FAT3: variants seen among roughly 807,000 people sequenced by gnomAD.
The protein encoded by FAT3 is FAT atypical cadherin 3.
FAT3 carries 95 observed loss-of-function variants against 310.2 expected under a neutral mutation model. The observed-to-expected ratio is 0.31, with a 90% CI of 0.26 to 0.36. The LOEUF (loss-of-function observed/expected upper bound fraction) is 0.36, where lower values mean the gene tolerates loss of function less well. Among genes scored for constraint, FAT3 ranks in the 10% least tolerant of loss-of-function variants. FAT3 has a pLI of 1.00. For missense variants in FAT3, 5,408 were observed against 5,715.6 expected, an observed-to-expected ratio of 0.95 and a Z score of 1.74; for synonymous variants, 2,314 against 2,192.9, an observed-to-expected ratio of 1.06 and a Z score of -1.54.
intron 2 of FAT3, among the ~76,000 whole-genome samples, chr11:92,375,623 TA>T (rs1480087082): frequency 1.3e-5 from 2 of 152,244 alleles, no homozygotes; most frequent in African/African-American, 4.8e-5. Context: ...GCTGTCTTGA[TA>T]ATTTAGCAGG....
chr11:92,833,132 G>A (rs1399284220), intron 14 of FAT3, among the ~76,000 whole-genome samples: 2 of 152,330 alleles, frequency 1.3e-5, no homozygotes, highest in Non-Finnish European at 2.9e-5. Context: ...AAGCTTGGAT[G>A]TTCTTTGAAG....
chr11:92,233,796 C>T (rs2608768), intron 1 of FAT3, among the ~76,000 whole-genome samples: 26,316 of 152,080 alleles, frequency 0.17, 2,418 homozygotes, highest in East Asian at 0.38. Context: ...TTGAATTATA[C>T]GATAATTAGA....
intron 2 of FAT3, among the ~76,000 whole-genome samples, chr11:92,368,761 A>G (rs149280810): frequency 2.6e-4 from 39 of 151,872 alleles, no homozygotes; most frequent in East Asian, 1.4e-3. Context: ...TCTCAGTGCA[A>G]TGGATAGTGG....
At chr11:92,621,104 A>C (rs2135668030) in intron 3 of FAT3, among the ~76,000 whole-genome samples, 1 of 152,314 alleles carries the variant, frequency 6.6e-6, no homozygotes, top group East Asian at 1.9e-4. Context: ...GGACACAAAC[A>C]TGCAATCCAT....
At chr11:92,306,616 TA>T (rs1374808333) in intron 1 of FAT3, among the ~76,000 whole-genome samples, 2 of 126,432 alleles carry the variant, frequency 1.6e-5, no homozygotes, top group Admixed American at 1.0e-4. Flanking sequence ...TTATATTATA[TA>T]TTTATATTAT....
chr11:92,635,169 T>C (rs1429559458), intron 3 of FAT3, among the ~76,000 whole-genome samples: 1 of 152,150 alleles, frequency 6.6e-6, no homozygotes, highest in Admixed American at 6.5e-5. Flanking sequence ...CTTGTGCTGC[T>C]CCCCTGTTCC....
chr11:92,357,467 T>C (rs1189376845), intron 2 of FAT3, among the ~76,000 whole-genome samples: 1 of 152,212 alleles, frequency 6.6e-6, no homozygotes, highest in African/African-American at 2.4e-5. Context: ...TAAACAGGTT[T>C]CAAAATCCTT....
intron 3 of FAT3, among the ~76,000 whole-genome samples, chr11:92,565,712 G>A (rs199627009): frequency 0.011 from 1,634 of 151,062 alleles, 34 homozygotes; most frequent in East Asian, 0.093. Flanking sequence ...CTTCATCCCT[G>A]GGATGCAAGG....
chr11:92,790,908 C>T (rs1259435104), intron 8 of FAT3, among the ~76,000 whole-genome samples: 1 of 152,186 alleles, frequency 6.6e-6, no homozygotes, highest in African/African-American at 2.4e-5. Flanking sequence ...ATCTCTGCGG[C>T]ATTGCACAGC....
At chr11:92,745,355 G>A (rs1182607036) in intron 4 of FAT3, among the ~76,000 whole-genome samples, 2 of 152,074 alleles carry the variant, frequency 1.3e-5, no homozygotes, top group Admixed American at 6.6e-5. Context: ...GTTTCTTAAC[G>A]GCCCACATGT....
intron 3 of FAT3, among the ~76,000 whole-genome samples, chr11:92,624,458 C>G (rs943359849): frequency 3.3e-5 from 5 of 152,110 alleles, no homozygotes; most frequent in African/African-American, 1.2e-4. Flanking sequence ...TACTCTGATG[C>G]TAGGAGGGGT....
intron 1 of FAT3, among the ~76,000 whole-genome samples, chr11:92,339,241 C>T (rs750125941): frequency 6.6e-6 from 1 of 152,146 alleles, no homozygotes; most frequent in Non-Finnish European, 1.5e-5. Flanking sequence ...CCACTAGATG[C>T]CTGCAGCATC....
intron 1 of FAT3, among the ~76,000 whole-genome samples, chr11:92,260,706 T>A (rs1300323988): frequency 2.0e-5 from 3 of 152,136 alleles, no homozygotes; most frequent in Non-Finnish European, 4.4e-5. Context: ...TATCACCTGG[T>A]CCCTTGTCTA....
intron 3 of FAT3, among the ~76,000 whole-genome samples, chr11:92,577,609 A>G (rs559822718): frequency 6.6e-6 from 1 of 152,198 alleles, no homozygotes; most frequent in South Asian, 2.1e-4. Context: ...TCAAATATAC[A>G]ATATATTATT....
intron 7 of FAT3, among the ~76,000 whole-genome samples, chr11:92,784,358 G>A (rs1010765005): frequency 1.3e-5 from 2 of 152,178 alleles, no homozygotes; most frequent in South Asian, 2.1e-4. Context: ...TTTTAAATAC[G>A]GTTTTGAAAT....
rs987345529 is a variant in FAT3 at position 92,321,869 on chromosome 11, T to A, written c.-17-30227T>A. 3.9e-5 allele frequency among the ~76,000 whole-genome samples: 6 copies of A among 152,370 alleles called. No individual in the cohort carries two copies. The South Asian group carries it at 1.2e-3, about 32-fold the overall frequency. ...AAAATGTTTTTCGTAAACTCCTATTTGAGTCTCTGCTCACTTACTTTGTTT... is the reference window on the plus strand; with the variant it reads ...AAAATGTTTTTCGTAAACTCCTATTAGAGTCTCTGCTCACTTACTTTGTTT... On this transcript the variant is annotated intron_variant, in intron 1 of 27. Transcript: ENST00000525166.
At chr11:92,351,788 TA>T (rs1432151521) in intron 1 of FAT3, among the ~76,000 whole-genome samples, 2 of 152,204 alleles carry the variant, frequency 1.3e-5, no homozygotes, top group African/African-American at 4.8e-5. Flanking sequence ...AATATATCTC[TA>T]AATTGACCTT....
intron 1 of FAT3, among the ~76,000 whole-genome samples, chr11:92,294,311 C>A (rs1440475047): frequency 2.6e-5 from 4 of 152,022 alleles, no homozygotes. Context: ...TCCATAAAGA[C>A]CTCATCTCCA....
At chr11:92,390,828 G>A (rs974680715) in intron 2 of FAT3, among the ~76,000 whole-genome samples, 1 of 152,110 alleles carries the variant, frequency 6.6e-6, no homozygotes, top group Non-Finnish European at 1.5e-5. Context: ...CTGGGAGCAG[G>A]GTGAGCAAAA....
Sources: allele counts gnomAD v4.1 joint callset (sites outside exome capture counted in the v4.1 genomes callset), GRCh38; gene constraint gnomAD v4.1.1; transcripts MANE v1.5; gene names NCBI Gene and HGNC (gene_info 2026-07-23, HGNC 2026-07-21).